The following NTM variants were observed in gnomAD, a reference collection of about 807,000 sequenced individuals.
The protein encoded by NTM is IgLON family member 2.
Under a neutral mutation model 42.1 loss-of-function variants are expected in NTM, and 13 were observed. The observed-to-expected ratio is 0.31, with a 90% CI of 0.20 to 0.49. The LOEUF (loss-of-function observed/expected upper bound fraction) is 0.49. NTM is among the 20% of genes least tolerant of loss of function. The pLI is 0.99. For synonymous variants in NTM, 187 were observed against 179.2 expected (o/e 1.04, Z -0.35); for missense variants, 373 against 452.8 (o/e 0.82, Z 1.60).
Position 132,256,103 on chromosome 11 carries a change from C to T in NTM, c.526+43956C>T, listed in dbSNP as rs537999309. Among the ~76,000 whole-genome samples, 546 of 152,312 alleles carry T rather than the reference C, an allele frequency of 3.6e-3. 1 individual carries two copies. Among genetic ancestry groups the T allele is most frequent in the African/African-American group, 0.011 (457 of 41,558 alleles). On this transcript the variant is annotated intron_variant, in intron 4 of 8. Coordinates refer to ENST00000683400, the MANE Select transcript of NTM (RefSeq NM_001352005.2). ...GCAAATGTGGAATATTCTGTCTAGGCTATGCAGAGGGTGGGCTCCTAGGAA... is the reference window on the plus strand; with the variant it reads ...GCAAATGTGGAATATTCTGTCTAGGTTATGCAGAGGGTGGGCTCCTAGGAA...
intron 1 of NTM, among the ~76,000 whole-genome samples, chr11:131,520,971 G>A (rs377143697): frequency 2.0e-5 from 3 of 152,130 alleles, no homozygotes; most frequent in Admixed American, 6.5e-5. Flanking sequence ...CATGATGGAA[G>A]GGGAAGGGAA....
intron 3 of NTM, among the ~76,000 whole-genome samples, chr11:132,170,220 A>G (rs903388320): frequency 2.0e-5 from 3 of 152,198 alleles, no homozygotes; most frequent in African/African-American, 7.2e-5. Flanking sequence ...TCTTCATGTC[A>G]CCAATAACCA....
At chr11:131,568,347 C>A (rs1173604761) in intron 1 of NTM, among the ~76,000 whole-genome samples, 1 of 152,174 alleles carries the variant, frequency 6.6e-6, no homozygotes, top group Non-Finnish European at 1.5e-5. Flanking sequence ...ACTCACTGAC[C>A]TGTTAACCTT....
At position 132,235,845 on chromosome 11, in the gene NTM, T is replaced by C. The variant is rs140275727; in HGVS notation, c.526+23698T>C. On this transcript the variant is annotated intron_variant, in intron 4 of 8. Coordinates refer to ENST00000683400, the MANE Select transcript of NTM (RefSeq NM_001352005.2). ...AGTCTATTTGAACAATGTGGTGTTT[T>C]TGACAATTATCAGAACTACTTAGTA... Among the ~76,000 whole-genome samples the C allele has an allele frequency of 8.4e-3, 1,278 of 152,318 alleles. 9 individuals are homozygous for C. The highest frequency in any genetic ancestry group is 0.029 in the African/African-American group (1,191 of 41,560).
chr11:131,537,097 A>T (rs559636535), intron 1 of NTM: 99 of 151,502 alleles, frequency 6.5e-4, no homozygotes, highest in African/African-American at 2.3e-3. Context: ...ACCTTGAGGG[A>T]GCTGGGTGCC....
chr11:132,044,991 A>C (rs1419966964), intron 2 of NTM, among the ~76,000 whole-genome samples: 1 of 152,206 alleles, frequency 6.6e-6, no homozygotes, highest in Non-Finnish European at 1.5e-5. Context: ...TATTCCAAAA[A>C]ATTGAAAAGA....
chr11:131,829,707 T>C (rs1000262145), intron 1 of NTM, among the ~76,000 whole-genome samples: 4 of 152,210 alleles, frequency 2.6e-5, no homozygotes, highest in East Asian at 1.9e-4. Context: ...TAACCAATAA[T>C]GAGATTGCTG....
At chr11:131,944,083 A>G (rs1012654356) in intron 2 of NTM, among the ~76,000 whole-genome samples, 5 of 152,172 alleles carry the variant, frequency 3.3e-5, no homozygotes, top group Non-Finnish European at 5.9e-5. Flanking sequence ...GTGAGAGCTT[A>G]GAAAACGGCT....
intron 2 of NTM, chr11:131,981,191 G>A (rs2065175392): frequency 6.6e-6 from 1 of 152,174 alleles, no homozygotes; most frequent in African/African-American, 2.4e-5. Flanking sequence ...TGAGCCCTTT[G>A]GGAATGCTCC....
intron 4 of NTM, among the ~76,000 whole-genome samples, chr11:132,212,565 C>T (rs2083040991): frequency 6.6e-6 from 1 of 152,154 alleles, no homozygotes; most frequent in Non-Finnish European, 1.5e-5. Flanking sequence ...AAGTCTGTGC[C>T]TCTGCAGCCT....
chr11:131,607,156 G>A (rs749045318), intron 1 of NTM, among the ~76,000 whole-genome samples: 2 of 152,148 alleles, frequency 1.3e-5, no homozygotes, highest in Non-Finnish European at 2.9e-5. Context: ...CATCACTTGC[G>A]ACCAGCCAGG....
chr11:131,708,829 C>A (rs1444636811), intron 1 of NTM, among the ~76,000 whole-genome samples: 4 of 152,108 alleles, frequency 2.6e-5, no homozygotes, highest in African/African-American at 9.7e-5. Flanking sequence ...GGGTAAGAAG[C>A]ATAACGTAAA....
chr11:132,275,749 T>TATATATAC (rs1491320001), intron 4 of NTM, among the ~76,000 whole-genome samples: 46 of 20,716 alleles, frequency 2.2e-3, no homozygotes, highest in African/African-American at 8.2e-3. Flanking sequence ...TATATATATG[T>TATATATAC]GTATATATAT....
chr11:132,176,722 GTTTTTTTTT>G (rs148699196), intron 3 of NTM, among the ~76,000 whole-genome samples: 1 of 82,004 alleles, frequency 1.2e-5, no homozygotes, highest in Non-Finnish European at 2.2e-5. Context: ...CATGCCTAAA[GTTTTTTTTT>G]TTTTTTTTTT....
chr11:132,043,363 A>C (rs993864327), intron 2 of NTM, among the ~76,000 whole-genome samples: 1 of 152,230 alleles, frequency 6.6e-6, no homozygotes, highest in Non-Finnish European at 1.5e-5. Flanking sequence ...CCCTTAACAA[A>C]GGCCACTTTA....
At chr11:132,283,701 C>G (rs139560411) in intron 4 of NTM, among the ~76,000 whole-genome samples, 1 of 152,142 alleles carries the variant, frequency 6.6e-6, no homozygotes, top group African/African-American at 2.4e-5. Flanking sequence ...TTCATAGCAC[C>G]CTGTTCTAAG....
In NTM at chr11:131,613,378, C is replaced by T. The variant is rs370434833; in HGVS notation, c.82+242490C>T. Among the ~76,000 whole-genome samples the T allele has an allele frequency of 2.4e-3, 363 of 152,222 alleles. 5 individuals carry two copies. Among genetic ancestry groups the T allele is most frequent in the African/African-American group, 8.2e-3 (342 of 41,548 alleles). On this transcript the variant is annotated intron_variant, in intron 1 of 8. Transcript: ENST00000683400. ...GTATTTTACAGTTATTCCAAAGCCC[C>T]CATGGTCCTCGGTGAGGAGCACATT...
chr11:131,394,110 A>C (rs1448034218), intron 1 of NTM, among the ~76,000 whole-genome samples: 1 of 152,236 alleles, frequency 6.6e-6, no homozygotes, highest in African/African-American at 2.4e-5. Flanking sequence ...ACGATTTTCC[A>C]ATCAGCTGAA....
chr11:131,493,508 T>C (rs1955016208), intron 1 of NTM, among the ~76,000 whole-genome samples: 1 of 152,136 alleles, frequency 6.6e-6, no homozygotes, highest in Non-Finnish European at 1.5e-5. Context: ...AACCCACAGC[T>C]CTTTGGATTA....
Sources: allele counts gnomAD v4.1 joint callset (sites outside exome capture counted in the v4.1 genomes callset), GRCh38; gene constraint gnomAD v4.1.1; transcripts MANE v1.5; gene names NCBI Gene and HGNC (gene_info 2026-07-23, HGNC 2026-07-21).